The following ROBO2 variants were observed in gnomAD, a reference collection of about 807,000 sequenced individuals.
The protein encoded by ROBO2 is roundabout guidance receptor 2.
In ROBO2, 53 loss-of-function variants were observed where a neutral mutation model predicts 160.8. The observed-to-expected ratio is 0.33, with a 90% CI of 0.26 to 0.41. The LOEUF (loss-of-function observed/expected upper bound fraction) is 0.41, where lower values mean the gene tolerates loss of function less well. ROBO2 is among the 10% of genes least tolerant of loss of function. ROBO2 has a pLI of 1.00. For synonymous variants in ROBO2, 664 were observed against 611.7 expected (o/e 1.09, Z -1.26); for missense variants, 1,577 against 1,722.4 (o/e 0.92, Z 1.49).
At chr3:76,085,483 A>AT (rs1460675003) in intron 2 of ROBO2, among the ~76,000 whole-genome samples, 1 of 152,160 alleles carries the variant, frequency 6.6e-6, no homozygotes. Context: ...ATTTTTTTAA[A>AT]TAAAAAATAT....
At chr3:76,885,193 G>T (rs947927079) in intron 2 of ROBO2, among the ~76,000 whole-genome samples, 4 of 152,086 alleles carry the variant, frequency 2.6e-5, no homozygotes, top group African/African-American at 9.7e-5. Context: ...TTCCTAGATG[G>T]TGATTATTTC....
At chr3:76,984,986 A>G (rs1453279215) in intron 2 of ROBO2, among the ~76,000 whole-genome samples, 4 of 152,144 alleles carry the variant, frequency 2.6e-5, no homozygotes, top group African/African-American at 9.6e-5. Context: ...ATTCAGAATT[A>G]TTGTCAAAAT....
At chr3:76,314,129 C>T (rs1044403011) in intron 2 of ROBO2, among the ~76,000 whole-genome samples, 6 of 152,172 alleles carry the variant, frequency 3.9e-5, no homozygotes, top group Non-Finnish European at 7.3e-5. Context: ...CTCAGGCATA[C>T]ACTTTTCTAT....
chr3:76,564,001 T>C (rs375795200), intron 2 of ROBO2, among the ~76,000 whole-genome samples: 1 of 152,020 alleles, frequency 6.6e-6, no homozygotes, highest in Non-Finnish European at 1.5e-5. Flanking sequence ...AGTTCAGGAG[T>C]TCGAGACCAG....
intron 2 of ROBO2, among the ~76,000 whole-genome samples, chr3:75,977,047 C>T (rs534232306): frequency 1.8e-4 from 27 of 151,668 alleles, no homozygotes; most frequent in African/African-American, 6.5e-4. Context: ...TGTGTTGAAT[C>T]ACTCTTTCAT....
chr3:76,031,511 G>T (rs2107710740), intron 2 of ROBO2, among the ~76,000 whole-genome samples: 1 of 152,216 alleles, frequency 6.6e-6, no homozygotes, highest in Non-Finnish European at 1.5e-5. Context: ...GTCATAAATA[G>T]CTCTTATTAT....
chr3:75,944,389 T>C (rs557765046), intron 2 of ROBO2, among the ~76,000 whole-genome samples: 2 of 152,306 alleles, frequency 1.3e-5, no homozygotes, highest in South Asian at 2.1e-4. Flanking sequence ...CTTCAACTTA[T>C]AATGCCAACA....
At chr3:77,196,322 CTGCT>C (rs2082303740) in intron 2 of ROBO2, among the ~76,000 whole-genome samples, 1 of 119,876 alleles carries the variant, frequency 8.3e-6, no homozygotes, top group South Asian at 2.9e-4. Context: ...GAGAAATACC[CTGCT>C]TTTTTTTTTT....
At chr3:76,163,765 A>G (rs1024920440) in intron 2 of ROBO2, among the ~76,000 whole-genome samples, 3 of 151,882 alleles carry the variant, frequency 2.0e-5, no homozygotes, top group Non-Finnish European at 4.4e-5. Context: ...TTTTTTTGAA[A>G]AAACTGTTAA....
chr3:75,907,199 C>T (rs112380749), intron 1 of ROBO2, among the ~76,000 whole-genome samples: 48 of 152,236 alleles, frequency 3.2e-4, no homozygotes, highest in African/African-American at 9.1e-4. Flanking sequence ...GGAAATGTCC[C>T]CAAAGGCACG....
intron 2 of ROBO2, among the ~76,000 whole-genome samples, chr3:77,209,501 T>C (rs1012923444): frequency 7.9e-5 from 12 of 152,312 alleles, no homozygotes; most frequent in Non-Finnish European, 1.0e-4. Flanking sequence ...CTTTATGAGA[T>C]GATGCAATGA....
intron 2 of ROBO2, among the ~76,000 whole-genome samples, chr3:77,283,844 C>A (rs972165600): frequency 6.6e-6 from 1 of 152,100 alleles, no homozygotes; most frequent in African/African-American, 2.4e-5. Context: ...AGGTCCTACT[C>A]GCAATGCACT....
intron 2 of ROBO2, among the ~76,000 whole-genome samples, chr3:76,493,442 T>A (rs770856207): frequency 3.0e-5 from 4 of 131,690 alleles, no homozygotes; most frequent in Non-Finnish European, 6.2e-5. Flanking sequence ...TCTTGATGAG[T>A]CTCATATCAA....
chr3:77,273,635 A>G (rs916641041), intron 2 of ROBO2, among the ~76,000 whole-genome samples: 14 of 152,202 alleles, frequency 9.2e-5, no homozygotes, highest in African/African-American at 3.4e-4. Context: ...GATACAGAAC[A>G]ATAACTTGGA....
At chr3:76,424,550 G>A (rs1332191123) in intron 2 of ROBO2, among the ~76,000 whole-genome samples, 1 of 152,074 alleles carries the variant, frequency 6.6e-6, no homozygotes, top group Non-Finnish European at 1.5e-5. Context: ...CACAGTTTCA[G>A]TTATGCAAAA....
chr3:77,101,566 G>A (rs1390901293), intron 2 of ROBO2, among the ~76,000 whole-genome samples: 1 of 152,174 alleles, frequency 6.6e-6, no homozygotes, highest in Non-Finnish European at 1.5e-5. Flanking sequence ...TTTCCAGGCA[G>A]GCTGTGTTCA....
At chr3:77,095,728 C>T (rs2070962110) in intron 1 of ROBO2, among the ~76,000 whole-genome samples, 1 of 152,106 alleles carries the variant, frequency 6.6e-6, no homozygotes, top group Non-Finnish European at 1.5e-5. Context: ...GATTTGCAAC[C>T]TACTTCTATT....
chr3:76,391,515 G>T (rs1462242638), intron 2 of ROBO2, among the ~76,000 whole-genome samples: 1 of 138,506 alleles, frequency 7.2e-6, no homozygotes, highest in Non-Finnish European at 1.5e-5. Context: ...CCTCATGATG[G>T]TGATACTTTT....
At chr3:77,502,259 A>C (rs137894129) in intron 5 of ROBO2, among the ~76,000 whole-genome samples, 310 of 152,252 alleles carry the variant, frequency 2.0e-3, no homozygotes, top group Non-Finnish European at 3.3e-3. Flanking sequence ...ACAGCCTAGC[A>C]TATGCTTGCC....
Sources: allele counts gnomAD v4.1 joint callset (sites outside exome capture counted in the v4.1 genomes callset), GRCh38; gene constraint gnomAD v4.1.1; transcripts MANE v1.5; gene names NCBI Gene and HGNC (gene_info 2026-07-23, HGNC 2026-07-21).